The following POLK variants were observed in gnomAD, a reference collection of about 807,000 sequenced individuals.
The protein encoded by POLK is polymerase (DNA directed) kappa.
POLK carries 76 observed loss-of-function variants against 94.0 expected under a neutral mutation model. That is an observed-to-expected ratio of 0.81 (90% CI 0.67 to 0.98). POLK has a LOEUF of 0.98. Among genes scored for constraint, POLK ranks in the 50% least tolerant of loss-of-function variants. The probability of loss-of-function intolerance (pLI) is 0.00; values close to 1 mark genes in which losing one functional copy is unlikely to be tolerated. For missense variants in POLK, 954 were observed against 1,010.1 expected (o/e 0.94, Z 0.75); for synonymous variants, 349 against 325.4 (o/e 1.07, Z -0.78).
chr5:75,541,322 C>T (rs1769730356), intron 1 of POLK, among the ~76,000 whole-genome samples: 1 of 151,802 alleles, frequency 6.6e-6, no homozygotes, highest in African/African-American at 2.4e-5. Flanking sequence ...AAAACAAAAA[C>T]AAAAACTTGG....
At chr5:75,522,242 A>G (rs917797258) in intron 1 of POLK, among the ~76,000 whole-genome samples, 2 of 152,178 alleles carry the variant, frequency 1.3e-5, no homozygotes, top group African/African-American at 4.8e-5. Flanking sequence ...AATTTTCCAC[A>G]TACTTGGTGT....
rs143406879 is a variant in POLK, at chr5:75,563,676, A to T, written c.256-5664A>T. ...ATTTATCCAGGAGTCATTCATGAGC[A>T]GGTTGTTCAGTTTCCACGTAGTTGT... is the stretch of plus-strand genomic sequence containing the variant. On this transcript the variant is annotated intron_variant, in intron 3 of 14. Transcript: ENST00000241436. 2.0e-3 allele frequency among the ~76,000 whole-genome samples: 299 copies of T among 152,286 alleles called. 2 individuals carry two copies. The highest frequency in any genetic ancestry group is 6.3e-3 in the African/African-American group (260 of 41,552).
the POLK span, chr5:75,609,744 T>C: frequency 2.6e-5 from 4 of 152,344 alleles, no homozygotes; most frequent in African/African-American, 9.6e-5. Context: ...ATTTCCCTTT[T>C]TTAAAAGAGG....
At chr5:75,566,506 T>C (rs1327589290) in intron 3 of POLK, among the ~76,000 whole-genome samples, 1 of 152,168 alleles carries the variant, frequency 6.6e-6, no homozygotes, top group African/African-American at 2.4e-5. Flanking sequence ...AGGCACCCCG[T>C]GAAATCTCCT....
chr5:75,532,178 T>G (rs921537094), intron 1 of POLK, among the ~76,000 whole-genome samples: 2 of 152,186 alleles, frequency 1.3e-5, no homozygotes, highest in Non-Finnish European at 2.9e-5. Context: ...GGTGTACAGA[T>G]TGTCACCCAG....
At chr5:75,596,418 G>A (rs778341966) in exon 13 of POLK, 1 of 1,613,820 alleles carries the variant, frequency 6.2e-7, no homozygotes, top group Non-Finnish European at 8.5e-7. Context: ...GATCAGAAAG[G>A]AAATGGAGTC....
rs1440579770 is a variant in POLK at position 75,593,870 on chromosome 5, T to C, written c.1357-8T>C. On this transcript the variant is annotated splice_polypyrimidine_tract_variant and splice_region_variant and intron_variant, in intron 11 of 14. Transcript: ENST00000241436. ...AAATAAATAAATAACATATTGTATA[T>C]GTTATAGGGTAGAACTGTTACCATT... 6.7e-7 allele frequency: 1 copy of C among 1,487,052 alleles called. No homozygotes were observed. Among genetic ancestry groups the C allele is most frequent in the Non-Finnish European group, 9.3e-7 (1 of 1,076,734 alleles). 92.1% of individuals were successfully genotyped at this position (1,487,052 alleles called of 1,614,324 possible). A position where few individuals can be genotyped will look rare whatever the true frequency, so the allele number is the denominator to read the frequency against.
At chr5:75,547,774 T>C (rs1770119751) in intron 2 of POLK, among the ~76,000 whole-genome samples, 1 of 152,248 alleles carries the variant, frequency 6.6e-6, no homozygotes, top group South Asian at 2.1e-4. Context: ...ATGGTGTTTC[T>C]ATCAATTCAC....
At chr5:75,552,241 CACA>C (rs1770371429) in intron 2 of POLK, among the ~76,000 whole-genome samples, 1 of 152,072 alleles carries the variant, frequency 6.6e-6, no homozygotes, top group South Asian at 2.1e-4. Context: ...AAGTACTGCT[CACA>C]ACAATCCTGT....
rs1304454699 is a variant in POLK at position 75,590,429 on chromosome 5, G to A, written c.1345G>A (p.Glu449Lys). The A allele has an allele frequency of 1.2e-6, 2 of 1,600,266 alleles. No homozygotes were observed. The highest frequency in any genetic ancestry group is 1.7e-6 in the Non-Finnish European group (2 of 1,167,742). Reference sequence around the variant, plus strand: ...TGAGCTTGCTCAGGATCTACAGAAAGAAAGACTTAAGGTGCTTTATTTTGA... The same window carrying A: ...TGAGCTTGCTCAGGATCTACAGAAAAAAAGACTTAAGGTGCTTTATTTTGA... The change falls in exon 11 of 15, where the codon GAA (glutamate) becomes AAA (lysine). Residue 449 changes from glutamate (E) to lysine (K), a missense_variant. Coordinates refer to ENST00000241436, the Ensembl canonical transcript of POLK.
chr5:75,602,725 C>A (rs1287683575), downstream of POLK, among the ~76,000 whole-genome samples: 1 of 152,162 alleles, frequency 6.6e-6, no homozygotes, highest in African/African-American at 2.4e-5. Context: ...CTAATAATTT[C>A]TTTGCATGTG....
At chr5:75,581,214 C>T (rs113372789) in exon 7 of POLK, 10 of 1,592,692 alleles carry the variant, frequency 6.3e-6, no homozygotes, top group Non-Finnish European at 7.8e-6. Flanking sequence ...CTTAGATAAT[C>T]CAGGAAAGGA....
chr5:75,517,647 T>A lies in POLK; in HGVS notation c.-14+5733T>A, dbSNP rs534011719. The stretch of plus-strand genomic sequence containing the variant: ...CCTTTATTTCTTTCTCTTGTCTGAT[T>A]GCTGTGACCAGGGCTTTCAGTATTA... On this transcript the variant is annotated intron_variant, in intron 1 of 14. Transcript: ENST00000241436. Among the ~76,000 whole-genome samples, 3 of 152,334 alleles carry A rather than the reference T, an allele frequency of 2.0e-5. No homozygotes were observed. The South Asian group carries it at 6.2e-4, about 32-fold the overall frequency.
Position 75,576,342 on chromosome 5 carries a change from A to G in POLK, c.541-438A>G, listed in dbSNP as rs1057174226. Among the ~76,000 whole-genome samples the G allele has an allele frequency of 2.0e-5, 3 of 152,204 alleles. No individual in the cohort carries two copies. The East Asian group carries it at 5.8e-4, about 29-fold the overall frequency. ...CTAAAGCAACATAGTACCTTTATAT[A>G]AGATTATTCCTTTTTAAAATGAACC... On this transcript the variant is annotated intron_variant, in intron 5 of 14. Transcript: ENST00000241436.
intron 1 of POLK, among the ~76,000 whole-genome samples, chr5:75,525,284 A>G (rs1288230759): frequency 2.6e-5 from 4 of 152,216 alleles, no homozygotes; most frequent in Admixed American, 2.6e-4. Context: ...ATATGTTTGT[A>G]TCATTATAAA....
chr5:75,575,566 C>T (rs1466867769), intron 5 of POLK, among the ~76,000 whole-genome samples: 1 of 152,128 alleles, frequency 6.6e-6, no homozygotes, highest in Non-Finnish European at 1.5e-5. Flanking sequence ...CAGCAATATC[C>T]TATGTAAAGG....
intron 8 of POLK, 77 bp from the exon 9 acceptor site, chr5:75,584,683 A>C: frequency 1.2e-6 from 1 of 861,700 alleles, no homozygotes. Flanking sequence ...AAAAAAAAAA[A>C]AGTGTAATGA....
At chr5:75,569,272 A>T (rs1771453606) in intron 3 of POLK, 68 bp from the exon 4 acceptor site, 1 of 1,022,984 alleles carries the variant, frequency 9.8e-7, no homozygotes, top group East Asian at 2.6e-5. Flanking sequence ...ATTAAGATTA[A>T]TGTTGTGGTT....
chr5:75,521,476 G>T (rs1226918257), intron 1 of POLK, among the ~76,000 whole-genome samples: 2 of 151,874 alleles, frequency 1.3e-5, no homozygotes, highest in African/African-American at 4.8e-5. Context: ...AATTTTCTCT[G>T]ATACATTTCT....
Sources: allele counts gnomAD v4.1 joint callset (sites outside exome capture counted in the v4.1 genomes callset), GRCh38; gene constraint gnomAD v4.1.1; transcripts MANE v1.5; gene names NCBI Gene and HGNC (gene_info 2026-07-23, HGNC 2026-07-21).